LSAMP: variants seen among roughly 807,000 people sequenced by gnomAD.
The protein encoded by LSAMP is limbic system associated membrane protein.
Under a neutral mutation model 38.6 loss-of-function variants are expected in LSAMP, and 7 were observed. The ratio of observed to expected loss-of-function variants is 0.18; its 90% confidence interval spans 0.10 to 0.34. The LOEUF is 0.34. LSAMP is among the 10% of genes least tolerant of loss of function. The pLI is 1.00. For missense variants in LSAMP, 313 were observed against 420.0 expected, an observed-to-expected ratio of 0.75 and a Z score of 2.23; for synonymous variants, 154 against 166.8, an observed-to-expected ratio of 0.92 and a Z score of 0.59.
At chr3:115,854,279 A>ATTTTTT (rs1182024413) in intron 3 of LSAMP, among the ~76,000 whole-genome samples, 23 of 116,362 alleles carry the variant, frequency 2.0e-4, no homozygotes, top group East Asian at 4.8e-4. Flanking sequence ...TATTATTATT[A>ATTTTTT]TTATTTTTTT....
intron 1 of LSAMP, among the ~76,000 whole-genome samples, chr3:116,269,050 T>C (rs1489043061): frequency 6.6e-6 from 1 of 152,034 alleles, no homozygotes; most frequent in Non-Finnish European, 1.5e-5. Flanking sequence ...CTCAGAAAGC[T>C]GCTGTATAGA....
At chr3:116,294,425 C>T (rs2047303358) in intron 1 of LSAMP, among the ~76,000 whole-genome samples, 1 of 151,926 alleles carries the variant, frequency 6.6e-6, no homozygotes, top group African/African-American at 2.4e-5. Context: ...CAATAATCAC[C>T]TCTATTTCAG....
At chr3:116,291,804 T>C (rs887928274) in intron 1 of LSAMP, among the ~76,000 whole-genome samples, 2 of 152,148 alleles carry the variant, frequency 1.3e-5, no homozygotes, top group South Asian at 2.1e-4. Flanking sequence ...GACACATCCA[T>C]TTTCAGGCCA....
At chr3:116,078,307 CTTTAT>C (rs973330266) in intron 2 of LSAMP, among the ~76,000 whole-genome samples, 8 of 140,560 alleles carry the variant, frequency 5.7e-5, no homozygotes, top group African/African-American at 1.4e-4. Flanking sequence ...ATTTATTTTA[CTTTAT>C]TTTATTTTAT....
At chr3:115,882,017 T>C (rs1441989081) in intron 3 of LSAMP, among the ~76,000 whole-genome samples, 1 of 152,128 alleles carries the variant, frequency 6.6e-6, no homozygotes, top group African/African-American at 2.4e-5. Context: ...TGATAGACTG[T>C]TTCAAGGTTT....
intron 1 of LSAMP, among the ~76,000 whole-genome samples, chr3:116,378,159 T>G (rs2048516560): frequency 6.6e-6 from 1 of 152,068 alleles, no homozygotes; most frequent in South Asian, 2.1e-4. Flanking sequence ...GACCACATGT[T>G]CACAAGAGCA....
At chr3:116,122,162 G>A (rs1243230128) in intron 1 of LSAMP, among the ~76,000 whole-genome samples, 4 of 152,120 alleles carry the variant, frequency 2.6e-5, no homozygotes, top group Admixed American at 6.6e-5. Flanking sequence ...GCAATAAATG[G>A]AATTCTATGC....
At chr3:116,265,630 C>G (rs2046881431) in intron 1 of LSAMP, among the ~76,000 whole-genome samples, 1 of 152,150 alleles carries the variant, frequency 6.6e-6, no homozygotes, top group Admixed American at 6.5e-5. Flanking sequence ...AATGGCGTAA[C>G]AGCAGTCCCA....
Position 115,816,635 on chromosome 3 carries a change from T to A in LSAMP, c.920-6221A>T, listed in dbSNP as rs985513977. 2.3e-6 allele frequency: 3 copies of A among 1,286,606 alleles called. No individual in the cohort carries two copies. In the African/African-American group the frequency reaches 4.6e-5, roughly 20 times the overall value. The allele number at this position is 1,286,606 out of a possible 1,614,324, so 79.7% of individuals were successfully genotyped here. ...ATACCTTTTTGCTTGAAGTGCACGGTGGTACCAATTTCTAAAATAAGAAAC... is the reference window on the plus strand; with the variant it reads ...ATACCTTTTTGCTTGAAGTGCACGGAGGTACCAATTTCTAAAATAAGAAAC... On this transcript the variant is annotated intron_variant, in intron 6 of 6. Coordinates refer to ENST00000490035, the MANE Select transcript of LSAMP (RefSeq NM_002338.5).
chr3:116,123,932 T>C (rs1176328339), intron 1 of LSAMP, among the ~76,000 whole-genome samples: 1 of 152,132 alleles, frequency 6.6e-6, no homozygotes, highest in Non-Finnish European at 1.5e-5. Context: ...GTATATGCCT[T>C]CCTTACCATG....
At position 115,818,790 on chromosome 3, in the gene LSAMP, T is replaced by TTATATACATATATATATATATA. The variant is rs1467152356; in HGVS notation, c.920-8377_920-8376insTATATATATATATATGTATATA. ...ATAAGAAAGAAGGAAAGTTGTACTT[T>TTATATACATATATATATATATA]TATATATATATATATATATATATAT... On this transcript the variant is annotated intron_variant, in intron 6 of 6. Transcript: ENST00000490035. 2.9e-3 allele frequency among the ~76,000 whole-genome samples: 204 copies of TTATATACATATATATATATATA among 69,762 alleles called. 7 individuals carry two copies. The highest frequency in any genetic ancestry group is 8.6e-3 in the African/African-American group (196 of 22,884). 45.8% of individuals were successfully genotyped at this position (69,762 alleles called of 152,430 possible). A position where few individuals can be genotyped will look rare whatever the true frequency, so the allele number is the denominator to read the frequency against.
chr3:115,962,766 C>T (rs570356617), intron 3 of LSAMP, among the ~76,000 whole-genome samples: 8 of 152,310 alleles, frequency 5.3e-5, no homozygotes, highest in South Asian at 4.1e-4. Context: ...ACATTGCCTT[C>T]GCATGGGTAG....
chr3:116,182,726 C>T (rs1710516122), intron 1 of LSAMP, among the ~76,000 whole-genome samples: 1 of 151,762 alleles, frequency 6.6e-6, no homozygotes, highest in Non-Finnish European at 1.5e-5. Context: ...GTAGAGATGT[C>T]TGATTCCCAT....
intron 3 of LSAMP, among the ~76,000 whole-genome samples, chr3:115,985,489 C>T (rs1939484359): frequency 6.6e-6 from 1 of 152,146 alleles, no homozygotes; most frequent in Admixed American, 6.6e-5. Flanking sequence ...TGGAAAACAG[C>T]CTCAAAGATA....
intron 3 of LSAMP, among the ~76,000 whole-genome samples, chr3:115,873,372 G>A (rs1278117376): frequency 7.0e-6 from 1 of 141,892 alleles, no homozygotes; most frequent in Non-Finnish European, 1.5e-5. Context: ...GACAGAGTGA[G>A]GCTCTGAAAA....
In LSAMP at chr3:115,837,293, A is replaced by ATT. The variant is rs34754406; in HGVS notation, c.919+4550_919+4551dup. 3.9e-3 allele frequency among the ~76,000 whole-genome samples: 580 copies of ATT among 149,896 alleles called. 6 individuals are homozygous for ATT. Among genetic ancestry groups the ATT allele is most frequent in the African/African-American group, 0.013 (521 of 40,768 alleles). Reference sequence around the variant, plus strand: ...ACGGATGCAGCAAAGCCCAGTGTAGATTTTTTTTTTTGTATTTTTATTCTT... The same window carrying ATT: ...ACGGATGCAGCAAAGCCCAGTGTAGATTTTTTTTTTTTTGTATTTTTATTCTT... On this transcript the variant is annotated intron_variant, in intron 6 of 6. Coordinates refer to ENST00000490035, the MANE Select transcript of LSAMP (RefSeq NM_002338.5).
At chr3:115,922,485 C>T (rs1005462032) in intron 3 of LSAMP, among the ~76,000 whole-genome samples, 2 of 152,080 alleles carry the variant, frequency 1.3e-5, no homozygotes, top group African/African-American at 4.8e-5. Context: ...TTATTTTGAA[C>T]TCATAGAACA....
chr3:116,012,199 A>C (rs1940349862), intron 3 of LSAMP, among the ~76,000 whole-genome samples: 1 of 152,214 alleles, frequency 6.6e-6, no homozygotes, highest in Admixed American at 6.5e-5. Context: ...TCATTTCAAC[A>C]ACTCCATGGT....
At chr3:116,148,174 G>A (rs550656053) in intron 1 of LSAMP, among the ~76,000 whole-genome samples, 1 of 148,594 alleles carries the variant, frequency 6.7e-6, no homozygotes, top group South Asian at 2.1e-4. Flanking sequence ...TCTCTCAGAG[G>A]TTAGTTAAAA....
Sources: allele counts gnomAD v4.1 joint callset (sites outside exome capture counted in the v4.1 genomes callset), GRCh38; gene constraint gnomAD v4.1.1; transcripts MANE v1.5; gene names NCBI Gene and HGNC (gene_info 2026-07-23, HGNC 2026-07-21).